Variants in PDE4D observed in about 807,000 individuals in gnomAD.
PDE4D encodes the protein 3',5'-cyclic-AMP phosphodiesterase 4D.
In PDE4D, 24 loss-of-function variants were observed where a neutral mutation model predicts 87.4. That is an observed-to-expected ratio of 0.27 (90% CI 0.20 to 0.39). The LOEUF is 0.39. Ranked by LOEUF, PDE4D falls within the 10% of genes least tolerant of loss-of-function variation. PDE4D has a pLI of 1.00. For missense variants in PDE4D, 714 were observed against 1,041.0 expected (o/e 0.69, Z 4.32); for synonymous variants, 384 against 383.2 (o/e 1.00, Z -0.02).
chr5:59,057,633 A>G (rs562098935), intron 5 of PDE4D, among the ~76,000 whole-genome samples: 15 of 152,282 alleles, frequency 9.9e-5, no homozygotes, highest in African/African-American at 2.9e-4. Context: ...GCATTTATCA[A>G]TGTGGTTAGG....
At chr5:60,070,164 C>G (rs999579844) in intron 2 of PDE4D, among the ~76,000 whole-genome samples, 1 of 151,952 alleles carries the variant, frequency 6.6e-6, no homozygotes, top group Admixed American at 6.6e-5. Context: ...AATTTAAATG[C>G]CTTTTTACTT....
chr5:59,534,638 T>C (rs1170000389), intron 1 of PDE4D, among the ~76,000 whole-genome samples: 4 of 152,318 alleles, frequency 2.6e-5, no homozygotes, highest in East Asian at 1.9e-4. Context: ...GATGAACCTG[T>C]GTGCAATGGA....
intron 2 of PDE4D, among the ~76,000 whole-genome samples, chr5:59,989,864 C>A (rs1034037316): frequency 2.6e-5 from 4 of 152,112 alleles, no homozygotes; most frequent in African/African-American, 9.7e-5. Flanking sequence ...CTTTGCACTG[C>A]CACTTTACTA....
chr5:60,314,996 A>G (rs922272993), intron 1 of PDE4D, among the ~76,000 whole-genome samples: 6 of 152,232 alleles, frequency 3.9e-5, no homozygotes, highest in Non-Finnish European at 7.3e-5. Flanking sequence ...CTTTGGGTAT[A>G]TACCCAGTAA....
At chr5:59,053,289 C>G (rs1231326313) in intron 5 of PDE4D, among the ~76,000 whole-genome samples, 2 of 151,436 alleles carry the variant, frequency 1.3e-5, no homozygotes, top group East Asian at 3.9e-4. Context: ...ACTTAAATGA[C>G]AGCTCCTTGA....
chr5:60,510,195 A>C (rs1280666938), intron 1 of PDE4D, among the ~76,000 whole-genome samples: 2 of 152,232 alleles, frequency 1.3e-5, no homozygotes, highest in Non-Finnish European at 2.9e-5. Context: ...GAGAACAGTG[A>C]GACATTCTCT....
At chr5:59,281,818 G>A (rs1765852357) in intron 1 of PDE4D, among the ~76,000 whole-genome samples, 1 of 152,254 alleles carries the variant, frequency 6.6e-6, no homozygotes, top group South Asian at 2.1e-4. Flanking sequence ...CAAAGATTAA[G>A]TTGTAAAGGT....
intron 1 of PDE4D, among the ~76,000 whole-genome samples, chr5:59,226,068 C>T (rs1318813384): frequency 6.6e-6 from 1 of 151,420 alleles, no homozygotes; most frequent in Non-Finnish European, 1.5e-5. Context: ...AAAGTGATGC[C>T]ACTACTATAA....
At position 59,988,444 on chromosome 5, in the gene PDE4D, C is replaced by T. The variant is rs576514110; in HGVS notation, c.272+44G>A. Reference sequence around the variant, plus strand: ...TCAAAAGACCACAGACAACAATCACCATCTAAAATATAAAATGGGGAAATG... The same window carrying T: ...TCAAAAGACCACAGACAACAATCACTATCTAAAATATAAAATGGGGAAATG... On this transcript the variant is annotated intron_variant, in intron 3 of 16. Coordinates refer to the PDE4D transcript ENST00000502484. The T allele has an allele frequency of 4.7e-6, 6 of 1,279,492 alleles. No homozygotes were observed. The African/African-American group carries it at 7.3e-5, about 16-fold the overall frequency. 79.3% of individuals were successfully genotyped at this position (1,279,492 alleles called of 1,614,324 possible). A position where few individuals can be genotyped will look rare whatever the true frequency, so the allele number is the denominator to read the frequency against.
At chr5:59,621,626 A>G (rs1275921476) in intron 1 of PDE4D, among the ~76,000 whole-genome samples, 4 of 152,324 alleles carry the variant, frequency 2.6e-5, no homozygotes, top group African/African-American at 9.6e-5. Context: ...TCCTTCCTGC[A>G]GCAACAAAGC....
At chr5:60,059,683 G>A (rs1447245657) in intron 2 of PDE4D, among the ~76,000 whole-genome samples, 1 of 151,992 alleles carries the variant, frequency 6.6e-6, no homozygotes, top group Non-Finnish European at 1.5e-5. Context: ...GGGTACAGGA[G>A]TGACATGGGG....
At chr5:59,362,482 C>G in intron 1 of PDE4D, among the ~76,000 whole-genome samples, 1 of 151,194 alleles carries the variant, frequency 6.6e-6, no homozygotes, top group South Asian at 2.1e-4. Flanking sequence ...AGCATTAAAA[C>G]CCTCTAAGAA....
intron 1 of PDE4D, among the ~76,000 whole-genome samples, chr5:60,437,202 A>G (rs1162676599): frequency 6.6e-6 from 1 of 152,116 alleles, no homozygotes; most frequent in African/African-American, 2.4e-5. Context: ...GAAGGTACTC[A>G]ATAAACACTG....
chr5:59,147,196 A>T (rs529552188), intron 5 of PDE4D, among the ~76,000 whole-genome samples: 1 of 152,246 alleles, frequency 6.6e-6, no homozygotes, highest in Non-Finnish European at 1.5e-5. Flanking sequence ...CCACTGCTGT[A>T]TAGCTACAAC....
chr5:59,765,409 T>C (rs76530081), intron 1 of PDE4D, among the ~76,000 whole-genome samples: 11,881 of 152,244 alleles, frequency 0.078, 551 homozygotes, highest in East Asian at 0.17. Context: ...AACCATGGCA[T>C]AGAGGGTAAA....
At chr5:60,339,587 C>T (rs912321444) in intron 1 of PDE4D, among the ~76,000 whole-genome samples, 2 of 152,204 alleles carry the variant, frequency 1.3e-5, no homozygotes, top group African/African-American at 4.8e-5. Flanking sequence ...TAAAGGGTGC[C>T]TCCGGTAATA....
At chr5:59,846,352 G>A (rs1349749580) in intron 1 of PDE4D, among the ~76,000 whole-genome samples, 1 of 152,040 alleles carries the variant, frequency 6.6e-6, no homozygotes, top group Admixed American at 6.6e-5. Context: ...CAGGAGAAGA[G>A]CTGTCAGATC....
At chr5:59,966,497 T>TA (rs928065500) in intron 3 of PDE4D, among the ~76,000 whole-genome samples, 1 of 152,190 alleles carries the variant, frequency 6.6e-6, no homozygotes, top group African/African-American at 2.4e-5. Flanking sequence ...TGCTGCAACA[T>TA]AATAATTTAA....
At chr5:60,357,651 T>A (rs1759734686) in intron 1 of PDE4D, among the ~76,000 whole-genome samples, 2 of 152,156 alleles carry the variant, frequency 1.3e-5, no homozygotes, top group African/African-American at 4.8e-5. Flanking sequence ...CTCAGTAAAG[T>A]TGAGAACAAA....
Sources: allele counts gnomAD v4.1 joint callset (sites outside exome capture counted in the v4.1 genomes callset), GRCh38; gene constraint gnomAD v4.1.1; transcripts MANE v1.5; gene names NCBI Gene and HGNC (gene_info 2026-07-23, HGNC 2026-07-21).